The following TMPRSS11A variants were observed in gnomAD, a reference collection of about 807,000 sequenced individuals.
TMPRSS11A encodes the protein transmembrane protease serine 11A.
A neutral mutation model predicts 58.9 loss-of-function variants in TMPRSS11A; 53 were observed. The ratio of observed to expected loss-of-function variants is 0.90; its 90% confidence interval spans 0.72 to 1.13. The LOEUF (loss-of-function observed/expected upper bound fraction) is 1.13. Among genes scored for constraint, TMPRSS11A ranks in the 50% most tolerant of loss-of-function variants. The pLI is 0.00. For synonymous variants in TMPRSS11A, 167 were observed against 169.8 expected, an observed-to-expected ratio of 0.98 and a Z score of 0.13; for missense variants, 493 against 499.3, an observed-to-expected ratio of 0.99 and a Z score of 0.12.
chr4:67,930,828 T>TTTA (rs1720595729), intron 4 of TMPRSS11A, among the ~76,000 whole-genome samples: 1 of 125,484 alleles, frequency 8.0e-6, no homozygotes, highest in African/African-American at 3.2e-5. Context: ...TTTTTTTTTT[T>TTTA]TACAAAAAAA....
At position 67,929,988 on chromosome 4, in the gene TMPRSS11A, A is replaced by G. The variant is rs749033163; in HGVS notation, c.373T>C (p.Ser125Pro). 6.2e-7 allele frequency: 1 copy of G among 1,613,552 alleles called. No homozygotes were observed. Among genetic ancestry groups the G allele is most frequent in the Non-Finnish European group, 8.5e-7 (1 of 1,179,674 alleles). ...VDVIMVFQFP[S>P]TEQRAVREKK... is the part of the protein sequence containing the mutation. ...TCTCTTACTGCCCTTTGTTCAGTAG[A>G]GGGGAACTGGAACACCATAATGACA... Residue 125 changes from serine to proline, a missense_variant, in exon 5 of 10, where the codon TCT (serine) becomes CCT (proline). Transcript: ENST00000508048.
chr4:67,938,332 A>G (rs1274884146), intron 3 of TMPRSS11A, among the ~76,000 whole-genome samples: 2 of 152,144 alleles, frequency 1.3e-5, no homozygotes, highest in African/African-American at 4.8e-5. Context: ...ATAGTTTGCA[A>G]ATATTTTCTC....
At chr4:67,934,999 G>T (rs2109752467) in intron 3 of TMPRSS11A, among the ~76,000 whole-genome samples, 1 of 152,176 alleles carries the variant, frequency 6.6e-6, no homozygotes, top group South Asian at 2.1e-4. Flanking sequence ...TAGAATTAAA[G>T]AAACCAAAAC....
intron 1 of TMPRSS11A, among the ~76,000 whole-genome samples, chr4:67,961,356 G>A (rs1291158556): frequency 6.6e-6 from 1 of 151,990 alleles, no homozygotes; most frequent in Non-Finnish European, 1.5e-5. Flanking sequence ...GACATCTCCT[G>A]CAAATCTTCC....
At chr4:67,927,934 C>T (rs1308138644) in intron 5 of TMPRSS11A, among the ~76,000 whole-genome samples, 1 of 152,208 alleles carries the variant, frequency 6.6e-6, no homozygotes, top group African/African-American at 2.4e-5. Flanking sequence ...GAAGAACAAA[C>T]ATTACCATTG....
intron 1 of TMPRSS11A, among the ~76,000 whole-genome samples, chr4:67,954,217 G>C (rs997105008): frequency 3.3e-5 from 5 of 152,158 alleles, no homozygotes; most frequent in South Asian, 2.1e-4. Flanking sequence ...CAGAAAAAGG[G>C]AAAAATTAAA....
intron 8 of TMPRSS11A, among the ~76,000 whole-genome samples, chr4:67,918,204 A>G (rs1053993180): frequency 6.6e-6 from 1 of 152,184 alleles, no homozygotes; most frequent in African/African-American, 2.4e-5. Context: ...GTGTTAAAGA[A>G]ACTCTCTAGC....
intron 1 of TMPRSS11A, among the ~76,000 whole-genome samples, chr4:67,948,308 A>G (rs913153251): frequency 6.6e-6 from 1 of 151,724 alleles, no homozygotes; most frequent in Non-Finnish European, 1.5e-5. Flanking sequence ...AAAGGCGTCC[A>G]CCACCACGCC....
At chr4:67,930,457 C>T (rs896539426) in intron 4 of TMPRSS11A, among the ~76,000 whole-genome samples, 3 of 152,064 alleles carry the variant, frequency 2.0e-5, no homozygotes, top group Admixed American at 6.6e-5. Flanking sequence ...TCTAAAGAGG[C>T]TTGTTTCTCT....
At chr4:67,932,147 A>C in intron 3 of TMPRSS11A, 87 bp from the exon 4 acceptor site, 3 of 743,504 alleles carry the variant, frequency 4.0e-6, no homozygotes, top group South Asian at 4.0e-5. Context: ...AGCAATCAAA[A>C]ATTTTTTCAC....
intron 3 of TMPRSS11A, among the ~76,000 whole-genome samples, chr4:67,934,708 A>G (rs553103280): frequency 6.6e-6 from 1 of 152,266 alleles, no homozygotes; most frequent in South Asian, 2.1e-4. Context: ...TTAGTTGGAT[A>G]TTTAATGAAA....
intron 1 of TMPRSS11A, among the ~76,000 whole-genome samples, chr4:67,960,456 C>A (rs1244876663): frequency 2.6e-5 from 4 of 152,126 alleles, no homozygotes; most frequent in Non-Finnish European, 4.4e-5. Flanking sequence ...GGGCTACTTT[C>A]TTCACCTATA....
chr4:67,913,259 G>A (rs766087453), intron 9 of TMPRSS11A, among the ~76,000 whole-genome samples: 1 of 152,136 alleles, frequency 6.6e-6, no homozygotes, highest in Non-Finnish European at 1.5e-5. Flanking sequence ...TGGGACTTAA[G>A]AAGAGGTGAT....
chr4:67,928,685 A>G (rs1351418810), intron 5 of TMPRSS11A, among the ~76,000 whole-genome samples: 1 of 152,200 alleles, frequency 6.6e-6, no homozygotes, highest in Non-Finnish European at 1.5e-5. Context: ...CCTCAGCTTT[A>G]TTCCCTAAGT....
Position 67,911,264 on chromosome 4 carries a change from A to G in TMPRSS11A, c.*78T>C. 7.6e-7 allele frequency: 1 copy of G among 1,312,948 alleles called. No individual in the cohort carries two copies. The highest frequency in any genetic ancestry group is 1.9e-4 in the Middle Eastern group (1 of 5,238). 81.3% of individuals were successfully genotyped at this position (1,312,948 alleles called of 1,614,324 possible). On this transcript the variant is annotated 3_prime_UTR_variant, in exon 10 of 10. Coordinates refer to ENST00000508048, the MANE Select transcript of TMPRSS11A (RefSeq NM_001114387.2). ...CAGTAATTTAATATCACTTTGTTGT[A>G]CTACACCCACTAAATAGTTGAATTC...
intron 9 of TMPRSS11A, among the ~76,000 whole-genome samples, chr4:67,911,811 A>G (rs755899758): frequency 1.2e-4 from 18 of 152,170 alleles, no homozygotes; most frequent in Non-Finnish European, 1.8e-4. Flanking sequence ...GCTGTTCTCC[A>G]AGAGGTAGCC....
chr4:67,944,546 C>T lies in TMPRSS11A; in HGVS notation c.225G>A (p.Lys75=). 1 of 1,612,614 alleles carries T rather than the reference C, an allele frequency of 6.2e-7. No homozygotes were observed. Among genetic ancestry groups the T allele is most frequent in the Non-Finnish European group, 8.5e-7 (1 of 1,179,146 alleles). ...AATTTTCGGTCGTCTCTCGTAAGTC[C>T]TTAAGTTGATATGTGTTGCTTTGTC... ...NFGQSNTYQL[K]DLRETTENLV... The change falls in exon 3 of 10, where the codon AAG becomes AAA. Residue 75 remains lysine (K), a synonymous_variant. Coordinates refer to ENST00000508048, the MANE Select transcript of TMPRSS11A (RefSeq NM_001114387.2).
chr4:67,955,048 T>C (rs1156542545), intron 1 of TMPRSS11A, among the ~76,000 whole-genome samples: 1 of 152,192 alleles, frequency 6.6e-6, no homozygotes, highest in Non-Finnish European at 1.5e-5. Flanking sequence ...GGATACATTT[T>C]GTATGTAATT....
intron 3 of TMPRSS11A, among the ~76,000 whole-genome samples, chr4:67,943,935 A>G (rs11931461): frequency 0.69 from 104,528 of 151,976 alleles, 37,254 homozygotes; most frequent in East Asian, 0.82. Context: ...TTGAGTGAGA[A>G]TTCATGGGCA....
Sources: gnomAD v4.1 joint callset for allele counts (sites outside exome capture counted in the v4.1 genomes callset) on GRCh38, gnomAD v4.1.1 for gene constraint, MANE v1.5 for transcripts, NCBI Gene and HGNC (gene_info 2026-07-23, HGNC 2026-07-21) for gene names.